NLRP5: variants seen among roughly 807,000 people sequenced by gnomAD.
NLRP5 encodes the protein NLR family pyrin domain containing 5.
NLRP5 carries 93 observed loss-of-function variants against 113.1 expected under a neutral mutation model. That is an observed-to-expected ratio of 0.82 (90% CI 0.70 to 0.98). NLRP5 has a LOEUF of 0.98. Ranked by LOEUF, NLRP5 falls within the 50% of genes least tolerant of loss-of-function variation. NLRP5 has a pLI of 0.00. For synonymous variants in NLRP5, 751 were observed against 600.7 expected, an observed-to-expected ratio of 1.25 and a Z score of -3.66; for missense variants, 1,808 against 1,514.3, an observed-to-expected ratio of 1.19 and a Z score of -3.22.
intron 9 of NLRP5, among the ~76,000 whole-genome samples, chr19:56,036,479 C>T (rs562690097): frequency 9.2e-5 from 14 of 152,106 alleles, no homozygotes; most frequent in Non-Finnish European, 1.5e-4. Flanking sequence ...TAACGACAGA[C>T]GCTTGATTCT....
upstream of NLRP5, among the ~76,000 whole-genome samples, chr19:55,995,574 A>T (rs1981298068): frequency 6.6e-6 from 1 of 152,030 alleles, no homozygotes; most frequent in Non-Finnish European, 1.5e-5. Flanking sequence ...GCTACTTGGG[A>T]TCTTTTGTGG....
intron 12 of NLRP5, among the ~76,000 whole-genome samples, chr19:56,052,261 T>C (rs2436470): frequency 6.1e-5 from 8 of 131,112 alleles, no homozygotes; most frequent in African/African-American, 1.0e-4. Flanking sequence ...GTTTTTGTTT[T>C]TGTTTTTGTT....
upstream of NLRP5, among the ~76,000 whole-genome samples, chr19:55,998,686 A>ATATATATATATATATGTGTG (rs1981438345): frequency 2.1e-5 from 1 of 47,540 alleles, no homozygotes; most frequent in African/African-American, 8.6e-5. Flanking sequence ...ATATATATAT[A>ATATATATATATATATGTGTG]TATATATATA....
intron 7 of NLRP5, among the ~76,000 whole-genome samples, chr19:56,028,803 T>G (rs1308262462): frequency 1.3e-5 from 2 of 152,144 alleles, no homozygotes; most frequent in African/African-American, 4.8e-5. Flanking sequence ...TCTCACTCTG[T>G]TGCCAGGCTG....
In NLRP5 at chr19:56,048,013, T is replaced by G. The variant is rs1983790851; in HGVS notation, c.2958-2405T>G. On this transcript the variant is annotated intron_variant, in intron 11 of 14. Transcript: ENST00000390649. ...TCCTTAACTGCTGTTGCTTTAACGTTTGTTTCATCTGATCTAAGAATAGTT... is the reference window on the plus strand; with the variant it reads ...TCCTTAACTGCTGTTGCTTTAACGTGTGTTTCATCTGATCTAAGAATAGTT... 2.6e-5 allele frequency among the ~76,000 whole-genome samples: 4 copies of G among 152,338 alleles called. No individual in the cohort carries two copies. The South Asian group carries it at 8.3e-4, about 32-fold the overall frequency.
At chr19:56,037,048 T>A (rs1983343961) in intron 9 of NLRP5, among the ~76,000 whole-genome samples, 1 of 152,198 alleles carries the variant, frequency 6.6e-6, no homozygotes, top group Non-Finnish European at 1.5e-5. Context: ...AATATTCTAA[T>A]CCTCACAACC....
the NLRP5 span, among the ~76,000 whole-genome samples, chr19:55,987,052 C>T: frequency 3.3e-5 from 5 of 152,196 alleles, no homozygotes; most frequent in African/African-American, 1.2e-4. Context: ...GTCTCTCGTC[C>T]TTTTCAGACA....
intron 2 of NLRP5, among the ~76,000 whole-genome samples, chr19:56,006,588 C>T (rs1199513158): frequency 6.6e-6 from 1 of 151,728 alleles, no homozygotes; most frequent in Non-Finnish European, 1.5e-5. Flanking sequence ...AAAAATTAGC[C>T]AGGCATGGTG....
At chr19:56,060,771 A>T (rs1446291449) in intron 14 of NLRP5, among the ~76,000 whole-genome samples, 1 of 152,112 alleles carries the variant, frequency 6.6e-6, no homozygotes, top group East Asian at 1.9e-4. Context: ...TGCTACTGTT[A>T]TCAAGCAAAA....
chr19:56,013,210 T>C (rs1438507721), intron 3 of NLRP5, among the ~76,000 whole-genome samples: 1 of 152,134 alleles, frequency 6.6e-6, no homozygotes, highest in Non-Finnish European at 1.5e-5. Flanking sequence ...GTTTTTGTTT[T>C]GAGATGGAGT....
intron 7 of NLRP5, 97 bp from the exon 8 acceptor site, chr19:56,032,514 A>T (rs1413373348): frequency 1.7e-6 from 2 of 1,145,276 alleles, no homozygotes; most frequent in African/African-American, 3.1e-5. Context: ...CCGTGGTCTC[A>T]CCTCGAGAGC....
At position 56,061,765 on chromosome 19, in the gene NLRP5, T is replaced by G; in HGVS notation, c.*237T>G. ...GTATCTGTGAAATGTCCGTCATATCTCAGAGCATATAGAGGGAATTAAATA... is the reference window on the plus strand; with the variant it reads ...GTATCTGTGAAATGTCCGTCATATCGCAGAGCATATAGAGGGAATTAAATA... On this transcript the variant is annotated 3_prime_UTR_variant, in exon 15 of 15. Coordinates refer to ENST00000390649, the MANE Select transcript of NLRP5 (RefSeq NM_153447.4). The G allele has an allele frequency of 2.0e-6, 1 of 489,214 alleles. No homozygotes were observed. The highest frequency in any genetic ancestry group is 3.6e-6 in the Non-Finnish European group (1 of 274,910). The allele number at this position is 489,214 out of a possible 1,614,324, so 30.3% of individuals were successfully genotyped here.
chr19:56,002,491 T>C (rs1365430166), intron 1 of NLRP5, among the ~76,000 whole-genome samples: 1 of 151,782 alleles, frequency 6.6e-6, no homozygotes, highest in Non-Finnish European at 1.5e-5. Flanking sequence ...ATACTTTAAG[T>C]TTTAGGGTAC....
intron 7 of NLRP5, among the ~76,000 whole-genome samples, chr19:56,032,042 A>G (rs1207687565): frequency 6.6e-6 from 1 of 152,098 alleles, no homozygotes; most frequent in Non-Finnish European, 1.5e-5. Context: ...CTGGAATTGA[A>G]GCAAAGATCT....
intron 9 of NLRP5, among the ~76,000 whole-genome samples, chr19:56,036,914 G>C (rs748107346): frequency 6.6e-6 from 1 of 152,100 alleles, no homozygotes; most frequent in African/African-American, 2.4e-5. Context: ...CCGAGATTGC[G>C]CCACTGCACT....
At chr19:56,058,043 AAG>A (rs942531125) in intron 13 of NLRP5, among the ~76,000 whole-genome samples, 195 bp from the exon 14 acceptor site, 5 of 151,666 alleles carry the variant, frequency 3.3e-5, no homozygotes, top group African/African-American at 1.2e-4. Flanking sequence ...AAAAAAAAAA[AAG>A]GCGAATATTT....
chr19:56,055,713 T>G (rs1344859837), intron 13 of NLRP5, among the ~76,000 whole-genome samples: 2 of 151,354 alleles, frequency 1.3e-5, no homozygotes, highest in African/African-American at 2.4e-5. Context: ...GCCCGGCTAA[T>G]TTTTTGTATT....
rs971153917 is a variant in NLRP5 at position 56,005,325 on chromosome 19, ATT to A, written c.442+1232_442+1233del. On this transcript the variant is annotated intron_variant, in intron 2 of 14. Coordinates refer to ENST00000390649, the MANE Select transcript of NLRP5 (RefSeq NM_153447.4). The stretch of plus-strand genomic sequence containing the variant: ...CATATATATTTATATATACACACAT[ATT>A]TATATATACACATACACATACACAT... Among the ~76,000 whole-genome samples the A allele has an allele frequency of 7.7e-5, 11 of 143,332 alleles. No homozygotes were observed. In the East Asian group the frequency reaches 2.0e-3, roughly 26 times the overall value. 94.0% of individuals were successfully genotyped at this position (143,332 alleles called of 152,430 possible).
rs771011618 is a variant in NLRP5, at chr19:56,061,546, C to T, written c.*18C>T. ...AAAACTGAAGATACGGAAACCTGCC[C>T]CACTCACACCCATCTGATGGAGGAA... On this transcript the variant is annotated 3_prime_UTR_variant, in exon 15 of 15. Coordinates refer to ENST00000390649, the MANE Select transcript of NLRP5 (RefSeq NM_153447.4). 6 of 1,613,512 alleles carry T rather than the reference C, an allele frequency of 3.7e-6. No individual in the cohort carries two copies. Among genetic ancestry groups the T allele is most frequent in the Non-Finnish European group, 5.1e-6 (6 of 1,179,692 alleles).
Sources: gnomAD v4.1 joint callset for allele counts (sites outside exome capture counted in the v4.1 genomes callset) on GRCh38, gnomAD v4.1.1 for gene constraint, MANE v1.5 for transcripts, NCBI Gene and HGNC (gene_info 2026-07-23, HGNC 2026-07-21) for gene names.